UPK3A: variants seen among roughly 807,000 people sequenced by gnomAD.
UPK3A encodes the protein uroplakin-3a.
A neutral mutation model predicts 27.6 loss-of-function variants in UPK3A; 32 were observed. The ratio of observed to expected loss-of-function variants is 1.16; its 90% CI spans 0.87 to 1.55. UPK3A has a LOEUF of 1.55. Among genes scored for constraint, UPK3A ranks in the 40% most tolerant of loss-of-function variants. The pLI is 0.00. For missense variants in UPK3A, 370 were observed against 367.9 expected (o/e 1.01, Z -0.05); for synonymous variants, 171 against 163.9 (o/e 1.04, Z -0.33).
rs541791799 is a variant in UPK3A at position 45,287,557 on chromosome 22, G to T, written c.488+106G>T. 2.1e-3 allele frequency: 3,021 copies of T among 1,421,020 alleles called. 5 individuals carry two copies. Among genetic ancestry groups the T allele is most frequent in the Non-Finnish European group, 2.6e-3 (2,728 of 1,041,602 alleles). The allele number at this position is 1,421,020 out of a possible 1,614,324, so 88.0% of individuals were successfully genotyped here. A position where few individuals can be genotyped will look rare whatever the true frequency, so the allele number is the denominator to read the frequency against. Reference sequence around the variant, plus strand: ...AGCCACACTTCTTGAGAACTTATATGCTGAGAACATCCCAGGTTCCAGGCA... The same window carrying T: ...AGCCACACTTCTTGAGAACTTATATTCTGAGAACATCCCAGGTTCCAGGCA... On this transcript the variant is annotated intron_variant, in intron 3 of 5. Coordinates refer to ENST00000216211, the MANE Select transcript of UPK3A (RefSeq NM_006953.4).
At chr22:45,289,208 C>A in intron 4 of UPK3A, 65 bp downstream of exon 4, 3 of 1,528,660 alleles carry the variant, frequency 2.0e-6, no homozygotes, top group East Asian at 2.3e-5. Flanking sequence ...CCAGCCACGG[C>A]GGTGAGAACC....
At chr22:45,289,169 G>A in intron 4 of UPK3A, 26 bp downstream of exon 4, 1 of 1,612,116 alleles carries the variant, frequency 6.2e-7, no homozygotes, top group Non-Finnish European at 8.5e-7. Flanking sequence ...TGGTGGTGGT[G>A]ATGCTCAAGG....
intron 3 of UPK3A, among the ~76,000 whole-genome samples, chr22:45,287,697 C>T (rs2084129171): frequency 6.6e-6 from 1 of 152,124 alleles, no homozygotes; most frequent in Admixed American, 6.6e-5. Flanking sequence ...GGGGTCTCCA[C>T]CATTTCCCAG....
rs371467694 is a variant in UPK3A, at chr22:45,286,412, A to AC, written c.208+323dup. Among the ~76,000 whole-genome samples the AC allele has an allele frequency of 1.9e-3, 287 of 151,766 alleles. 2 individuals carry two copies. Among genetic ancestry groups the AC allele is most frequent in the African/African-American group, 6.5e-3 (267 of 41,382 alleles). ...AAGCAAGGCTCAGAGAGGTGGAATA[A>AC]CCCCCCCTGGACCTCCCAGGGCTGG... is the stretch of plus-strand genomic sequence containing the variant. On this transcript the variant is annotated intron_variant, in intron 2 of 5. Coordinates refer to ENST00000216211, the MANE Select transcript of UPK3A (RefSeq NM_006953.4).
At position 45,295,561 on chromosome 22, in the gene UPK3A, G is replaced by C; in HGVS notation, c.706G>C (p.Asp236His). 2.5e-6 allele frequency: 4 copies of C among 1,614,102 alleles called. No homozygotes were observed. Among genetic ancestry groups the C allele is most frequent in the Non-Finnish European group, 3.4e-6 (4 of 1,180,034 alleles). Residue 236 changes from aspartate to histidine, a missense_variant and splice_region_variant, in exon 6 of 6, where the codon GAC (aspartate) becomes CAC (histidine). By Grantham distance (81) the Asp-to-His change is moderately conservative. Transcript: ENST00000216211. ...GGGTCTTTCCATCCCCTTGGACAGG[G>C]ACATGGGGAGTTCTGATGGGGAAAC... The part of the protein sequence containing the change: ...FAGAIALSLV[D>H]MGSSDGETTH...
At chr22:45,294,388 C>A (rs1569107160) in intron 5 of UPK3A, among the ~76,000 whole-genome samples, 1 of 145,680 alleles carries the variant, frequency 6.9e-6, no homozygotes, top group Non-Finnish European at 1.5e-5. Context: ...GTCTTCCGCA[C>A]CCCCATCCCT....
At chr22:45,288,950 G>A in intron 3 of UPK3A, 111 bp from the exon 4 acceptor site, 1 of 985,840 alleles carries the variant, frequency 1.0e-6, no homozygotes, top group African/African-American at 1.6e-5. Flanking sequence ...CTCCTGGAAG[G>A]GCCCCCGCTG....
At chr22:45,287,479 A>AGCC in intron 3 of UPK3A, 28 bp downstream of exon 3, 2 of 1,565,694 alleles carry the variant, frequency 1.3e-6, no homozygotes, top group South Asian at 2.3e-5. Context: ...ACTACAGGAG[A>AGCC]GCCGCGGCAG....
At chr22:45,293,818 G>A (rs996515361) in intron 5 of UPK3A, among the ~76,000 whole-genome samples, 7 of 152,138 alleles carry the variant, frequency 4.6e-5, no homozygotes, top group Middle Eastern at 3.2e-3. Flanking sequence ...AGGCCCAGAG[G>A]GGGTCAGAGT....
Position 45,289,146 on chromosome 22 carries a change from AAGTGGTGGGC to A in UPK3A, c.571+12_571+21del. On this transcript the variant is annotated splice_donor_5th_base_variant and intron_variant, in intron 4 of 5. Transcript: ENST00000216211. ...AGACCCCATCCGCACCAACCAGCGT[AAGTGGTGGGC>A]AGTGGTGGTGGTGATGCTCAAGGGG... 2 of 1,613,864 alleles carry A rather than the reference AAGTGGTGGGC, an allele frequency of 1.2e-6. No homozygotes were observed. The highest frequency in any genetic ancestry group is 1.7e-6 in the Non-Finnish European group (2 of 1,179,938).
intron 4 of UPK3A, among the ~76,000 whole-genome samples, chr22:45,292,750 TACA>T (rs2147797557): frequency 6.6e-6 from 1 of 151,290 alleles, no homozygotes; most frequent in South Asian, 2.1e-4. Context: ...CAAAAAAAAG[TACA>T]ACAAATTAGC....
intron 3 of UPK3A, 118 bp from the exon 4 acceptor site, chr22:45,288,943 C>A: frequency 1.1e-6 from 1 of 948,068 alleles, no homozygotes; most frequent in East Asian, 2.5e-5. Context: ...TTTCCGTCTC[C>A]TGGAAGGGCC....
Position 45,295,800 on chromosome 22 carries a change from C to T in UPK3A, c.*81C>T, listed in dbSNP as rs1476620326. The T allele has an allele frequency of 1.3e-6, 2 of 1,554,580 alleles. No individual in the cohort carries two copies. Among genetic ancestry groups the T allele is most frequent in the African/African-American group, 2.7e-5 (2 of 73,374 alleles). On this transcript the variant is annotated 3_prime_UTR_variant, in exon 6 of 6. Coordinates refer to ENST00000216211, the MANE Select transcript of UPK3A (RefSeq NM_006953.4). Reference sequence around the variant, plus strand: ...TGCAGCGGTGGTTGTCACACCCTGACTTCAGGGAAGGTGAAACAGGGCTTG... The same window carrying T: ...TGCAGCGGTGGTTGTCACACCCTGATTTCAGGGAAGGTGAAACAGGGCTTG...
Position 45,285,980 on chromosome 22 carries a change from C to G in UPK3A, c.92C>G (p.Ala31Gly), listed in dbSNP as rs775917232. 1.2e-6 allele frequency: 2 copies of G among 1,614,132 alleles called. No individual in the cohort carries two copies. The highest frequency in any genetic ancestry group is 8.5e-7 in the Non-Finnish European group (1 of 1,180,006). Residue 31 changes from alanine (A) to glycine (G), a missense_variant, in exon 2 of 6, where the codon GCC becomes GGC. Physicochemically the swap from Ala to Gly is moderately conservative, Grantham distance 60 (BLOSUM62 0). Coordinates refer to ENST00000216211, the MANE Select transcript of UPK3A (RefSeq NM_006953.4). ...CCCCAACTGGCCAGTGTGACTTTCG[C>G]CACCAACAACCCCACACTTACCACT... ...LQPQLASVTF[A>G]TNNPTLTTVA...
chr22:45,295,523 G>A (rs1395671566), intron 5 of UPK3A, 37 bp from the exon 6 acceptor site: 7 of 1,613,820 alleles, frequency 4.3e-6, no homozygotes, highest in Non-Finnish European at 5.9e-6. Flanking sequence ...GTTTGCTCTG[G>A]TCCCCTAATC....
rs886057606 is a variant in UPK3A, at chr22:45,295,657, T to C, written c.802T>C (p.Ser268Pro). 1.5e-5 allele frequency: 24 copies of C among 1,613,770 alleles called. No homozygotes were observed. The highest frequency in any genetic ancestry group is 2.0e-5 in the Non-Finnish European group (24 of 1,180,010). ...SLGASESSYT[S>P]VNRGPPLDRA... ...GGGGGCCTCGGAGTCTTCCTACACG[T>C]CCGTGAACCGGGGGCCGCCACTGGA... The change falls in exon 6 of 6, where the codon TCC becomes CCC. Residue 268 changes from serine to proline, a missense_variant. Physicochemically the swap from Ser to Pro is moderately conservative, Grantham distance 74. Transcript: ENST00000216211.
chr22:45,288,419 C>G (rs1006038373), intron 3 of UPK3A, among the ~76,000 whole-genome samples: 3 of 152,110 alleles, frequency 2.0e-5, no homozygotes, highest in Non-Finnish European at 4.4e-5. Flanking sequence ...AGAATGGTCT[C>G]GATCTCCTGA....
chr22:45,295,507 A>C, intron 5 of UPK3A, 53 bp from the exon 6 acceptor site: 1 of 1,606,382 alleles, frequency 6.2e-7, no homozygotes, highest in Non-Finnish European at 8.5e-7. Context: ...AGCTAAAGGC[A>C]TTTGGGTTTG....
rs773622681 is a variant in UPK3A, at chr22:45,293,236, C to G, written c.627C>G (p.Ile209Met). Residue 209 changes from isoleucine to methionine, a missense_variant, in exon 5 of 6, where the codon ATC (isoleucine) becomes ATG (methionine). Coordinates refer to ENST00000216211, the MANE Select transcript of UPK3A (RefSeq NM_006953.4). ...CAGGCCGGCGGAGCGGAGGCATGAT[C>G]GTCATCACTTCCATCCTGGGCTCCC... ...TWPGRRSGGMIVITSILGSLP... is the reference protein window; with the variant it reads ...TWPGRRSGGMMVITSILGSLP... The G allele has an allele frequency of 1.2e-5, 19 of 1,614,162 alleles. No individual in the cohort carries two copies. In the Admixed American group the frequency reaches 3.2e-4, roughly 27 times the overall value.
Sources: allele counts gnomAD v4.1 joint callset (sites outside exome capture counted in the v4.1 genomes callset), GRCh38; gene constraint gnomAD v4.1.1; transcripts MANE v1.5; gene names NCBI Gene and HGNC (gene_info 2026-07-23, HGNC 2026-07-21).